The following ICA1L variants were observed in gnomAD, a reference collection of about 807,000 sequenced individuals.
ICA1L encodes the protein islet cell autoantigen 1-like protein.
Under a neutral mutation model 61.3 loss-of-function variants are expected in ICA1L, and 50 were observed. The observed-to-expected ratio is 0.82, with a 90% CI of 0.65 to 1.03. The LOEUF is 1.03. Ranked by LOEUF, ICA1L falls within the 50% of genes least tolerant of loss-of-function variation. The probability of loss-of-function intolerance (pLI) is 0.00; values close to 1 mark genes in which losing one functional copy is unlikely to be tolerated. For synonymous variants in ICA1L, 161 were observed against 191.3 expected (o/e 0.84, Z 1.31); for missense variants, 508 against 556.7 (o/e 0.91, Z 0.88).
Position 202,776,138 on chromosome 2 carries a change from A to G in ICA1L, c.*3395T>C, listed in dbSNP as rs571578601. The stretch of plus-strand genomic sequence containing the variant: ...TACAAAACACTTTTTCAGTGTGCAA[A>G]TACTGAAACCTGTTTGTTGAAATAC... On this transcript the variant is annotated 3_prime_UTR_variant, in exon 13 of 13. Transcript: ENST00000358299. 2 of 152,344 alleles carry G rather than the reference A, an allele frequency of 1.3e-5. No homozygotes were observed. Among genetic ancestry groups the G allele is most frequent in the East Asian group, 3.9e-4 (2 of 5,190 alleles). The allele number at this position is 152,344 out of a possible 1,614,324, so 9.4% of individuals were successfully genotyped here.
At chr2:202,842,991 AT>A (rs548046914) in intron 1 of ICA1L, among the ~76,000 whole-genome samples, 78 of 152,326 alleles carry the variant, frequency 5.1e-4, no homozygotes, top group African/African-American at 1.7e-3. Flanking sequence ...TTTTAAAAAA[AT>A]AATTTTAATC....
intron 9 of ICA1L, among the ~76,000 whole-genome samples, chr2:202,809,986 A>C (rs913459296): frequency 2.0e-5 from 3 of 152,210 alleles, no homozygotes; most frequent in Non-Finnish European, 2.9e-5. Flanking sequence ...ATCCAAGTAC[A>C]GGAAGGTTAT....
At chr2:202,866,250 T>C (rs1271281879) in intron 1 of ICA1L, among the ~76,000 whole-genome samples, 1 of 152,152 alleles carries the variant, frequency 6.6e-6, no homozygotes, top group Admixed American at 6.6e-5. Context: ...GTTCTTACTC[T>C]CTAAGTTCAT....
At position 202,821,465 on chromosome 2, in the gene ICA1L, T is replaced by C. The variant is rs1192200408; in HGVS notation, c.252A>G (p.Glu84=). ...QLRLNVISEE[E]NELGLFLKFQ... ...ATTTTAAAAAGAGCCCTAGCTCATT[T>C]TCTTCCTCTGATATAACTAGGAAAA... The change falls in exon 4 of 13, where the codon GAA becomes GAG. Residue 84 remains glutamate (E), a synonymous_variant. Transcript: ENST00000358299. 9 of 1,610,132 alleles carry C rather than the reference T, an allele frequency of 5.6e-6. No individual in the cohort carries two copies. The highest frequency in any genetic ancestry group is 7.6e-6 in the Non-Finnish European group (9 of 1,178,502).
intron 1 of ICA1L, chr2:202,840,885 T>A (rs1694308944): frequency 6.0e-6 from 4 of 669,308 alleles, no homozygotes; most frequent in Non-Finnish European, 8.5e-6. Context: ...ATGCCGCAGG[T>A]CATCCCCGTG....
At chr2:202,820,484 C>G (rs1032081859) in intron 4 of ICA1L, among the ~76,000 whole-genome samples, 10 of 152,048 alleles carry the variant, frequency 6.6e-5, no homozygotes, top group African/African-American at 2.4e-4. Flanking sequence ...CCAAGTAAAT[C>G]TGCCATTTAG....
chr2:202,856,034 C>T (rs1168367675), intron 1 of ICA1L, among the ~76,000 whole-genome samples: 1 of 140,774 alleles, frequency 7.1e-6, no homozygotes, highest in Non-Finnish European at 1.5e-5. Flanking sequence ...GATTGCACCA[C>T]TGTACTCTAG....
chr2:202,806,031 T>C (rs1302655277), intron 9 of ICA1L, among the ~76,000 whole-genome samples: 1 of 152,162 alleles, frequency 6.6e-6, no homozygotes, highest in Non-Finnish European at 1.5e-5. Flanking sequence ...TTTATGTGTG[T>C]ACTTGAAAAT....
intron 1 of ICA1L, chr2:202,841,102 G>T: frequency 1.6e-6 from 1 of 635,706 alleles, no homozygotes; most frequent in South Asian, 1.5e-5. Context: ...TCTTCATACA[G>T]CTGCCCGAGG....
intron 1 of ICA1L, among the ~76,000 whole-genome samples, chr2:202,863,309 A>T (rs1694972105): frequency 6.6e-6 from 1 of 152,146 alleles, no homozygotes; most frequent in South Asian, 2.1e-4. Flanking sequence ...AAAGAAAAAA[A>T]GGTATAAAAT....
intron 1 of ICA1L, among the ~76,000 whole-genome samples, chr2:202,833,277 C>T (rs190273027): frequency 2.7e-3 from 418 of 152,248 alleles, no homozygotes; most frequent in Non-Finnish European, 4.4e-3. Context: ...TCTACTGAAA[C>T]TGTCCTTTTA....
In ICA1L at chr2:202,817,485, C is replaced by A. The variant is rs1380577186; in HGVS notation, c.617G>T (p.Cys206Phe). The change falls in exon 6 of 13, where the codon TGT becomes TTT. Residue 206 changes from cysteine (C) to phenylalanine (F), a missense_variant. Physicochemically the swap from Cys to Phe is radical, Grantham distance 205. Coordinates refer to ENST00000358299, the MANE Select transcript of ICA1L (RefSeq NM_001288622.3). ...ASFDKLKMDV[C>F]QKVDLLGASR... ...AGCTCCAAGTAAATCCACTTTCTGA[C>A]AAACATCCATCTTTAACTTGTCAAA... The A allele has an allele frequency of 6.2e-7, 1 of 1,612,286 alleles. No homozygotes were observed. Among genetic ancestry groups the A allele is most frequent in the Admixed American group, 1.7e-5 (1 of 59,896 alleles).
chr2:202,778,253 G>C lies in ICA1L; in HGVS notation c.*1280C>G, dbSNP rs1004318304. The C allele has an allele frequency of 6.6e-6, 1 of 152,128 alleles. No homozygotes were observed. The highest frequency in any genetic ancestry group is 2.4e-5 in the African/African-American group (1 of 41,434). 9.4% of individuals were successfully genotyped at this position (152,128 alleles called of 1,614,324 possible). A position where few individuals can be genotyped will look rare whatever the true frequency, so the allele number is the denominator to read the frequency against. Reference sequence around the variant, plus strand: ...AAAACAAACACACACTTGGGAAATTGCTTCAAAATTAAAGGGTGGGCAATT... The same window carrying C: ...AAAACAAACACACACTTGGGAAATTCCTTCAAAATTAAAGGGTGGGCAATT... On this transcript the variant is annotated 3_prime_UTR_variant, in exon 13 of 13. Coordinates refer to ENST00000358299, the MANE Select transcript of ICA1L (RefSeq NM_001288622.3).
chr2:202,869,997 A>T (rs184433053), intron 1 of ICA1L, among the ~76,000 whole-genome samples: 4 of 152,308 alleles, frequency 2.6e-5, no homozygotes, highest in Admixed American at 2.6e-4. Flanking sequence ...CCAGTTACAG[A>T]TATATTTAAA....
At chr2:202,805,812 T>G (rs1279305649) in intron 9 of ICA1L, among the ~76,000 whole-genome samples, 1 of 152,122 alleles carries the variant, frequency 6.6e-6, no homozygotes, top group East Asian at 1.9e-4. Flanking sequence ...ATTTAAAAGA[T>G]AAAATAATAG....
In ICA1L at chr2:202,804,241, T is replaced by C. The variant is rs1042331507; in HGVS notation, c.911-7277A>G. Among the ~76,000 whole-genome samples the C allele has an allele frequency of 2.6e-5, 4 of 152,212 alleles. No homozygotes were observed. In the East Asian group the frequency reaches 7.7e-4, roughly 29 times the overall value. ...CTATATTCTCCCTTGCCTTTACCTA[T>C]TTAGAAAAATTTTAAACCGTTAGCC... On this transcript the variant is annotated intron_variant, in intron 9 of 12. Coordinates refer to ENST00000358299, the MANE Select transcript of ICA1L (RefSeq NM_001288622.3).
intron 7 of ICA1L, among the ~76,000 whole-genome samples, chr2:202,815,706 G>A (rs916861690): frequency 6.7e-6 from 1 of 149,004 alleles, no homozygotes; most frequent in African/African-American, 2.5e-5. Flanking sequence ...TAGTATCTTG[G>A]GCCTGCCAGC....
intron 9 of ICA1L, among the ~76,000 whole-genome samples, chr2:202,810,263 G>T (rs1488838236): frequency 1.3e-5 from 2 of 152,206 alleles, no homozygotes; most frequent in South Asian, 2.1e-4. Flanking sequence ...TCCAAAAATT[G>T]TTGTGGGAAG....
chr2:202,794,779 A>G (rs1692872787), intron 10 of ICA1L, among the ~76,000 whole-genome samples: 2 of 152,078 alleles, frequency 1.3e-5, no homozygotes, highest in South Asian at 4.1e-4. Context: ...GAAATAAACA[A>G]CGGGAAGTGT....
Sources: gnomAD v4.1 joint callset for allele counts (sites outside exome capture counted in the v4.1 genomes callset) on GRCh38, gnomAD v4.1.1 for gene constraint, MANE v1.5 for transcripts, NCBI Gene and HGNC (gene_info 2026-07-23, HGNC 2026-07-21) for gene names.